Variants in FAM167A observed in about 807,000 individuals in gnomAD.
FAM167A encodes the protein protein FAM167A.
In FAM167A, 23 loss-of-function variants were observed where a neutral mutation model predicts 14.9. That is an observed-to-expected ratio of 1.55 (90% confidence interval 1.11 to 2.19). The LOEUF (loss-of-function observed/expected upper bound fraction) is 2.19, where lower values mean the gene tolerates loss of function less well. FAM167A is among the 30% of genes most tolerant of loss of function. The probability of loss-of-function intolerance (pLI) is 0.00; values close to 1 mark genes in which losing one functional copy is unlikely to be tolerated. For synonymous variants in FAM167A, 174 were observed against 117.7 expected, an observed-to-expected ratio of 1.48 and a Z score of -3.10; for missense variants, 401 against 281.5, an observed-to-expected ratio of 1.42 and a Z score of -3.04.
At position 11,421,577 on chromosome 8, in the gene FAM167A, T is replaced by C. The variant is rs1804728505; in HGVS notation, c.*2796A>G. On this transcript the variant is annotated 3_prime_UTR_variant, in exon 3 of 3. Transcript: ENST00000284486. ...TCATAAAAAATAAAAGTATAAATCGTCCATTGATTATGTAATAGCACTTGG... is the reference window on the plus strand; with the variant it reads ...TCATAAAAAATAAAAGTATAAATCGCCCATTGATTATGTAATAGCACTTGG... The C allele has an allele frequency of 7.5e-6, 3 of 397,712 alleles. No homozygotes were observed. The highest frequency in any genetic ancestry group is 4.4e-5 in the Admixed American group (1 of 22,710). 24.6% of individuals were successfully genotyped at this position (397,712 alleles called of 1,614,324 possible).
Position 11,424,326 on chromosome 8 carries a change from C to T in FAM167A, c.*47G>A. ...GCCTCAGCTTCCTCTGACACCCCTC[C>T]AGCCCAAGCCCTCCGCTCCAGCCCC... On this transcript the variant is annotated 3_prime_UTR_variant, in exon 3 of 3. Transcript: ENST00000284486. The T allele has an allele frequency of 1.9e-6, 3 of 1,604,286 alleles. No homozygotes were observed. The highest frequency in any genetic ancestry group is 1.7e-5 in the Admixed American group (1 of 59,700).
At chr8:11,458,411 G>C (rs1256584244) in intron 1 of FAM167A, among the ~76,000 whole-genome samples, 2 of 152,104 alleles carry the variant, frequency 1.3e-5, no homozygotes, top group East Asian at 3.8e-4. Flanking sequence ...TGTGCCTCTC[G>C]GGTGAACAGA....
intron 1 of FAM167A, among the ~76,000 whole-genome samples, chr8:11,461,523 C>A (rs1240532219): frequency 6.6e-6 from 1 of 152,240 alleles, no homozygotes; most frequent in African/African-American, 2.4e-5. Flanking sequence ...AAGCAGAATG[C>A]AGCGCAGGCC....
rs149556873 is a variant in FAM167A, at chr8:11,442,754, G to A, written c.381+1277C>T. ...CCAGAGATATGGCTCAAACCCGCAG[G>A]TGCCTCATCTTCTCCGAAGCCGACA... On this transcript the variant is annotated intron_variant, in intron 2 of 2. Coordinates refer to ENST00000284486, the MANE Select transcript of FAM167A (RefSeq NM_053279.3). Among the ~76,000 whole-genome samples, 544 of 151,974 alleles carry A rather than the reference G, an allele frequency of 3.6e-3. 6 individuals are homozygous for A. Among genetic ancestry groups the A allele is most frequent in the African/African-American group, 0.012 (512 of 41,458 alleles).
At chr8:11,434,595 G>C (rs1401389138) in intron 2 of FAM167A, among the ~76,000 whole-genome samples, 1 of 152,168 alleles carries the variant, frequency 6.6e-6, no homozygotes, top group East Asian at 1.9e-4. Context: ...CTACCCCTGT[G>C]ATCAGGCCTT....
At chr8:11,440,859 G>C (rs142779587) in intron 2 of FAM167A, among the ~76,000 whole-genome samples, 7 of 152,212 alleles carry the variant, frequency 4.6e-5, no homozygotes, top group Admixed American at 2.0e-4. Context: ...GAGTTAAATA[G>C]GTTAATTTTT....
intron 2 of FAM167A, among the ~76,000 whole-genome samples, chr8:11,442,700 A>C (rs1319041013): frequency 2.0e-5 from 3 of 151,662 alleles, no homozygotes; most frequent in Non-Finnish European, 4.4e-5. Flanking sequence ...TATACCCCCC[A>C]CCAAGAGCAC....
At chr8:11,438,926 G>T (rs1806242573) in intron 2 of FAM167A, among the ~76,000 whole-genome samples, 1 of 152,226 alleles carries the variant, frequency 6.6e-6, no homozygotes, top group African/African-American at 2.4e-5. Flanking sequence ...CAGCTGCCCT[G>T]TCCCTGGAAA....
intron 2 of FAM167A, among the ~76,000 whole-genome samples, chr8:11,429,766 G>C (rs1018061026): frequency 6.6e-6 from 1 of 152,186 alleles, no homozygotes; most frequent in African/African-American, 2.4e-5. Context: ...TTAGAACCCA[G>C]GTTCAAGCTG....
chr8:11,466,449 C>T (rs1006454131), intron 1 of FAM167A, among the ~76,000 whole-genome samples, 177 bp downstream of exon 1: 7 of 146,842 alleles, frequency 4.8e-5, no homozygotes, highest in African/African-American at 1.6e-4. Context: ...CATGAGCGGC[C>T]TCTCCCGGGG....
At chr8:11,471,067 T>A (rs1807946914), upstream of FAM167A, among the ~76,000 whole-genome samples, 1 of 152,092 alleles carries the variant, frequency 6.6e-6, no homozygotes, top group Non-Finnish European at 1.5e-5. Context: ...GGTAGGAAGA[T>A]AATTAACAGA....
At chr8:11,424,815 G>A (rs1423585266) in intron 2 of FAM167A, among the ~76,000 whole-genome samples, 179 bp from the exon 3 acceptor site, 1 of 152,196 alleles carries the variant, frequency 6.6e-6, no homozygotes. Flanking sequence ...GACAAATGAG[G>A]GTGCGGTCGC....
intron 1 of FAM167A, chr8:11,445,009 G>A (rs1049456035): frequency 3.2e-5 from 21 of 660,990 alleles, no homozygotes; most frequent in Non-Finnish European, 3.9e-5. Context: ...GAAAAATTGT[G>A]CAGTGTTTTA....
At chr8:11,442,056 C>T (rs1403458823) in intron 2 of FAM167A, among the ~76,000 whole-genome samples, 1 of 152,186 alleles carries the variant, frequency 6.6e-6, no homozygotes, top group African/African-American at 2.4e-5. Flanking sequence ...ATTCCCTTTA[C>T]CCTATGTACG....
intron 2 of FAM167A, among the ~76,000 whole-genome samples, chr8:11,438,812 G>A (rs1437835171): frequency 3.3e-5 from 5 of 152,254 alleles, no homozygotes; most frequent in African/African-American, 9.6e-5. Context: ...AGCCTTGGGA[G>A]AACAGAGGCT....
intron 1 of FAM167A, among the ~76,000 whole-genome samples, chr8:11,450,611 C>T (rs549182435): frequency 6.6e-6 from 1 of 152,342 alleles, no homozygotes; most frequent in Non-Finnish European, 1.5e-5. Context: ...CTCTAGCAGA[C>T]TCTCAACTTC....
rs200337863 is a variant in FAM167A, at chr8:11,424,595, G to A, written c.423C>T (p.Leu141=). 1.4e-5 allele frequency: 22 copies of A among 1,613,994 alleles called. No homozygotes were observed. The highest frequency in any genetic ancestry group is 1.7e-5 in the Admixed American group (1 of 60,008). The change falls in exon 3 of 3, where the codon CTC becomes CTT. Residue 141 remains leucine (L), a synonymous_variant. Transcript: ENST00000284486. The stretch of plus-strand genomic sequence containing the variant: ...TGTTGATGTCGCCACGCAGGCGCAT[G>A]AGCTGTCTGGCCAGTTGCTGGTCCT... ...RLQDQQLARQ[L]MRLRGDINKL...
chr8:11,453,240 C>T (rs1807097315), intron 1 of FAM167A, among the ~76,000 whole-genome samples: 1 of 152,232 alleles, frequency 6.6e-6, no homozygotes, highest in Non-Finnish European at 1.5e-5. Flanking sequence ...GTGGTACAAT[C>T]ACAGCTCACT....
chr8:11,457,075 A>G, intron 1 of FAM167A, among the ~76,000 whole-genome samples: 1 of 20,450 alleles, frequency 4.9e-5, no homozygotes, highest in African/African-American at 2.1e-4. Context: ...GGGTTGGGGA[A>G]GTGGGCGGGG....
Sources: allele counts gnomAD v4.1 joint callset (sites outside exome capture counted in the v4.1 genomes callset), GRCh38; gene constraint gnomAD v4.1.1; transcripts MANE v1.5; gene names NCBI Gene and HGNC (gene_info 2026-07-23, HGNC 2026-07-21).